The following LMTK2 variants were observed in gnomAD, a reference collection of about 807,000 sequenced individuals.
The protein encoded by LMTK2 is serine/threonine-protein kinase LMTK2.
A neutral mutation model predicts 127.5 loss-of-function variants in LMTK2; 37 were observed. The observed-to-expected ratio is 0.29, with a 90% CI of 0.22 to 0.38. The LOEUF (loss-of-function observed/expected upper bound fraction) is 0.38, where lower values mean the gene tolerates loss of function less well. Among genes scored for constraint, LMTK2 ranks in the 10% least tolerant of loss-of-function variants. LMTK2 has a pLI of 1.00. For synonymous variants in LMTK2, 819 were observed against 810.1 expected, an observed-to-expected ratio of 1.01 and a Z score of -0.19; for missense variants, 1,694 against 1,920.3, an observed-to-expected ratio of 0.88 and a Z score of 2.20.
At chr7:98,158,098 T>A (rs576362452) in intron 5 of LMTK2, among the ~76,000 whole-genome samples, 93 of 152,366 alleles carry the variant, frequency 6.1e-4, no homozygotes, top group African/African-American at 9.1e-4. Context: ...AAGGGTTTTT[T>A]AAAAAATTAT....
intron 13 of LMTK2, among the ~76,000 whole-genome samples, chr7:98,204,910 A>T (rs1797766510): frequency 6.6e-6 from 1 of 152,216 alleles, no homozygotes; most frequent in Non-Finnish European, 1.5e-5. Flanking sequence ...ACCAGCCCAC[A>T]TGCCCTCTGG....
intron 6 of LMTK2, among the ~76,000 whole-genome samples, chr7:98,164,040 T>C (rs1285576916): frequency 1.3e-5 from 2 of 152,248 alleles, no homozygotes; most frequent in Non-Finnish European, 2.9e-5. Context: ...TTGCACTTAC[T>C]TAATTCCTTG....
At chr7:98,172,258 A>G (rs886233106) in intron 7 of LMTK2, among the ~76,000 whole-genome samples, 1 of 148,858 alleles carries the variant, frequency 6.7e-6, no homozygotes, top group Non-Finnish European at 1.5e-5. Flanking sequence ...TGTGTAGCAC[A>G]TTTCTGTTGC....
chr7:98,180,611 GA>G (rs1338192003), intron 7 of LMTK2, among the ~76,000 whole-genome samples: 11 of 152,252 alleles, frequency 7.2e-5, no homozygotes, highest in South Asian at 6.2e-4. Context: ...CTCCCTTGTG[GA>G]GAAGTAGAGA....
chr7:98,117,367 G>A (rs531760582), intron 1 of LMTK2, among the ~76,000 whole-genome samples: 12 of 152,236 alleles, frequency 7.9e-5, no homozygotes, highest in African/African-American at 2.9e-4. Flanking sequence ...GCGATCCTCT[G>A]TTTATTTCTT....
Position 98,191,658 on chromosome 7 carries a change from C to T in LMTK2, c.1193C>T (p.Pro398Leu), listed in dbSNP as rs201680117. 4 of 1,612,956 alleles carry T rather than the reference C, an allele frequency of 2.5e-6. No individual in the cohort carries two copies. The highest frequency in any genetic ancestry group is 2.5e-6 in the Non-Finnish European group (3 of 1,179,450). Residue 398 changes from proline (P) to leucine (L), a missense_variant, in exon 11 of 14, where the codon CCC (proline) becomes CTC (leucine). Around this residue, in one of 8 missense-constraint regions of LMTK2, gnomAD observed 216 missense variants for 266.8 expected, o/e 0.81. Coordinates refer to ENST00000297293, the MANE Select transcript of LMTK2 (RefSeq NM_014916.4). ...TGTTGGCTGTCACCAGAAAAGAGACCCGCGGCTGAAGATGTGCACAGGCTG... is the reference window on the plus strand; with the variant it reads ...TGTTGGCTGTCACCAGAAAAGAGACTCGCGGCTGAAGATGTGCACAGGCTG... ...QFCWLSPEKR[P>L]AAEDVHRLLT...
intron 1 of LMTK2, among the ~76,000 whole-genome samples, chr7:98,113,933 CT>C (rs35638586): frequency 0.14 from 19,239 of 141,386 alleles, 1,775 homozygotes; most frequent in African/African-American, 0.28. Context: ...TTATTAAATT[CT>C]TTTTTTTTTT....
chr7:98,111,908 G>C (rs747549698), intron 1 of LMTK2, among the ~76,000 whole-genome samples: 2 of 152,230 alleles, frequency 1.3e-5, no homozygotes, highest in Non-Finnish European at 2.9e-5. Flanking sequence ...CGTAGTGTTG[G>C]AGAACTATGC....
Position 98,208,502 on chromosome 7 carries a change from TG to T in LMTK2, c.*3015del, listed in dbSNP as rs1797842723. 6.6e-6 allele frequency: 1 copy of T among 152,188 alleles called. No individual in the cohort carries two copies. Among genetic ancestry groups the T allele is most frequent in the African/African-American group, 2.4e-5 (1 of 41,432 alleles). The allele number at this position is 152,188 out of a possible 1,614,324, so 9.4% of individuals were successfully genotyped here. A position where few individuals can be genotyped will look rare whatever the true frequency, so the allele number is the denominator to read the frequency against. On this transcript the variant is annotated 3_prime_UTR_variant, in exon 14 of 14. Transcript: ENST00000297293. ...AATCAGTGGCATTCTCTAGATAATG[TG>T]GGGGAAGGTTAGAATATTTTCTGGC... is the stretch of plus-strand genomic sequence containing the variant.
At chr7:98,148,505 A>ATAAT (rs1554388171) in intron 3 of LMTK2, among the ~76,000 whole-genome samples, 13 of 141,038 alleles carry the variant, frequency 9.2e-5, no homozygotes, top group African/African-American at 2.5e-4. Context: ...AAAAAAAAAA[A>ATAAT]AATAATAATA....
intron 7 of LMTK2, among the ~76,000 whole-genome samples, chr7:98,177,026 A>G (rs1797288841): frequency 6.6e-6 from 1 of 152,174 alleles, no homozygotes; most frequent in Admixed American, 6.5e-5. Context: ...TCAAAGCTAC[A>G]CCGTCTGCCT....
At chr7:98,181,492 A>G (rs1245017737) in intron 7 of LMTK2, among the ~76,000 whole-genome samples, 1 of 152,238 alleles carries the variant, frequency 6.6e-6, no homozygotes, top group Non-Finnish European at 1.5e-5. Flanking sequence ...TACAGTCTTG[A>G]AACAGAAGAA....
chr7:98,185,751 G>C (rs1288221556), intron 8 of LMTK2, among the ~76,000 whole-genome samples: 1 of 150,254 alleles, frequency 6.7e-6, no homozygotes, highest in African/African-American at 2.4e-5. Context: ...TTTTTTAAAC[G>C]GAGTCTTGCT....
intron 1 of LMTK2, among the ~76,000 whole-genome samples, chr7:98,124,150 G>A (rs1334893183): frequency 6.6e-6 from 1 of 152,124 alleles, no homozygotes; most frequent in Non-Finnish European, 1.5e-5. Flanking sequence ...TTTCAGAGCA[G>A]GGAGTTAATA....
chr7:98,158,199 A>C (rs968548440), intron 5 of LMTK2, among the ~76,000 whole-genome samples: 6 of 152,246 alleles, frequency 3.9e-5, no homozygotes, highest in Non-Finnish European at 8.8e-5. Flanking sequence ...TATGGAAAAG[A>C]ATGTATAAGC....
chr7:98,141,658 C>G, intron 3 of LMTK2, 117 bp downstream of exon 3: 1 of 983,140 alleles, frequency 1.0e-6, no homozygotes, highest in Non-Finnish European at 1.5e-6. Flanking sequence ...ATTTCTCTTC[C>G]TTCTGCTCCC....
intron 1 of LMTK2, among the ~76,000 whole-genome samples, chr7:98,134,859 T>C (rs1796577112): frequency 6.6e-6 from 1 of 152,210 alleles, no homozygotes; most frequent in Non-Finnish European, 1.5e-5. Context: ...GGAGTTCTTG[T>C]TCTCATTGAA....
Position 98,175,244 on chromosome 7 carries a change from A to G in LMTK2, c.791+3570A>G, listed in dbSNP as rs1448232662. On this transcript the variant is annotated intron_variant, in intron 7 of 13. Transcript: ENST00000297293. ...GGTGGCGTTTTAGTGATCCTTGAAG[A>G]ATGGGCATCAGTTGAAGGCTGGAGG... 2.6e-5 allele frequency among the ~76,000 whole-genome samples: 4 copies of G among 152,168 alleles called. No homozygotes were observed. In the East Asian group the frequency reaches 7.7e-4, roughly 29 times the overall value.
rs2116464035 is a variant in LMTK2 at position 98,192,802 on chromosome 7, C to T, written c.2337C>T (p.Gly779=). ...TTCAGTTTGCTGAAAATAAGCCAGGCTTGTCTTTGTTGCAGGAAAACGTAA... is the reference window on the plus strand; with the variant it reads ...TTCAGTTTGCTGAAAATAAGCCAGGTTTGTCTTTGTTGCAGGAAAACGTAA... ...TELQFAENKP[G]LSLLQENVST... is the part of the protein sequence containing the mutation. Residue 779 remains glycine, a synonymous_variant, in exon 11 of 14, where the codon GGC becomes GGT. Transcript: ENST00000297293. 1.2e-6 allele frequency: 2 copies of T among 1,613,822 alleles called. No homozygotes were observed. Among genetic ancestry groups the T allele is most frequent in the Non-Finnish European group, 1.7e-6 (2 of 1,179,800 alleles).
Sources: gnomAD v4.1 joint callset for allele counts (sites outside exome capture counted in the v4.1 genomes callset) on GRCh38, gnomAD v4.1.1 for gene constraint, gnomAD v4.1.1 regional missense constraint, MANE v1.5 for transcripts, NCBI Gene and HGNC (gene_info 2026-07-23, HGNC 2026-07-21) for gene names.